The following SEM1 variants were observed in gnomAD, a reference collection of about 807,000 sequenced individuals.
SEM1 encodes the protein SEM1 26S proteasome subunit, also known as 26S proteasome complex subunit SEM1.
In SEM1, 3 loss-of-function variants were observed where a neutral mutation model predicts 12.7. That is an observed-to-expected ratio of 0.24 (90% CI 0.11 to 0.61). The LOEUF (loss-of-function observed/expected upper bound fraction) is 0.61, where lower values mean the gene tolerates loss of function less well. Among genes scored for constraint, SEM1 ranks in the 20% least tolerant of loss-of-function variants. The pLI is 0.88. For synonymous variants in SEM1, 30 were observed against 27.8 expected (o/e 1.08, Z -0.25); for missense variants, 59 against 81.3 (o/e 0.73, Z 1.06).
intron 2 of SEM1, among the ~76,000 whole-genome samples, chr7:96,544,202 C>A (rs1805036931): frequency 6.6e-6 from 1 of 152,010 alleles, no homozygotes; most frequent in Non-Finnish European, 1.5e-5. Flanking sequence ...TTCATAATTT[C>A]TAGTATTATA....
chr7:96,611,993 C>T (rs1807554395), intron 2 of SEM1, among the ~76,000 whole-genome samples: 1 of 140,984 alleles, frequency 7.1e-6, no homozygotes, highest in Admixed American at 6.9e-5. Context: ...TCCTTACCCC[C>T]CCAAATAAAA....
chr7:96,629,193 G>A (rs751484972), intron 2 of SEM1, among the ~76,000 whole-genome samples: 5 of 151,938 alleles, frequency 3.3e-5, no homozygotes, highest in Non-Finnish European at 5.9e-5. Flanking sequence ...TCTAGGTTTG[G>A]GAAGTTCCCT....
chr7:96,653,472 T>C (rs1243033507), intron 2 of SEM1, among the ~76,000 whole-genome samples: 9 of 152,040 alleles, frequency 5.9e-5, no homozygotes, highest in Non-Finnish European at 2.9e-5. Flanking sequence ...GCAATTAAGG[T>C]GATTTCAGCT....
chr7:96,533,972 C>G (rs889753877), intron 2 of SEM1, among the ~76,000 whole-genome samples: 5 of 151,870 alleles, frequency 3.3e-5, no homozygotes, highest in Non-Finnish European at 7.4e-5. Flanking sequence ...TATTAAATCC[C>G]GACCCCTGAG....
chr7:96,521,054 C>T (rs898163006), intron 2 of SEM1, among the ~76,000 whole-genome samples: 14 of 152,054 alleles, frequency 9.2e-5, no homozygotes, highest in Admixed American at 6.5e-5. Context: ...AAAAAGGGGA[C>T]GGACATTCCC....
chr7:96,671,846 T>C (rs1789325400), downstream of SEM1, among the ~76,000 whole-genome samples: 2 of 152,222 alleles, frequency 1.3e-5, no homozygotes, highest in African/African-American at 4.8e-5. Flanking sequence ...ACTAGGTATC[T>C]GGACAATATT....
chr7:96,580,573 T>C (rs1806361884), intron 2 of SEM1, among the ~76,000 whole-genome samples: 1 of 152,050 alleles, frequency 6.6e-6, no homozygotes, highest in South Asian at 2.1e-4. Context: ...TGAACTAGTT[T>C]ACAGTCCCAC....
At chr7:96,499,343 A>G (rs1161832695), upstream of SEM1, among the ~76,000 whole-genome samples, 1 of 152,210 alleles carries the variant, frequency 6.6e-6, no homozygotes, top group Non-Finnish European at 1.5e-5. Context: ...AGAATAAGTC[A>G]TTAATAAAAT....
intron 2 of SEM1, among the ~76,000 whole-genome samples, chr7:96,541,426 A>T (rs1804943865): frequency 8.1e-6 from 1 of 123,228 alleles, no homozygotes. Context: ...CCCACTTTTT[A>T]ATGGGTTTTT....
intron 2 of SEM1, among the ~76,000 whole-genome samples, chr7:96,572,421 G>A (rs774130556): frequency 5.9e-5 from 9 of 152,150 alleles, no homozygotes; most frequent in Non-Finnish European, 1.0e-4. Context: ...TTGGCATCTA[G>A]CGCTATAAAT....
rs1584853702 is a variant in SEM1 at position 96,673,995 on chromosome 7, A to G, written c.171-136T>C. 3 of 613,606 alleles carry G rather than the reference A, an allele frequency of 4.9e-6. No individual in the cohort carries two copies. The African/African-American group carries it at 5.6e-5, about 11-fold the overall frequency. The allele number at this position is 613,606 out of a possible 1,614,324, so 38.0% of individuals were successfully genotyped here. The stretch of plus-strand genomic sequence containing the variant: ...ATGCCCCAGTCCCATCCCCATCTCT[A>G]CCTCCCCTCTCCCTGACTCCCGCCA... On this transcript the variant is annotated intron_variant, in intron 2 of 2. Transcript: ENST00000413065.
At chr7:96,681,775 T>C (rs1354971935) in intron 2 of SEM1, among the ~76,000 whole-genome samples, 2 of 152,174 alleles carry the variant, frequency 1.3e-5, no homozygotes, top group Admixed American at 1.3e-4. Flanking sequence ...CCATGCTGTT[T>C]TGGTTACTGT....
chr7:96,684,464 G>A (rs1353618359), downstream of SEM1, among the ~76,000 whole-genome samples: 5 of 151,890 alleles, frequency 3.3e-5, no homozygotes, highest in East Asian at 1.9e-4. Flanking sequence ...ATATCTAACC[G>A]TTTGGGGGGC....
intron 2 of SEM1, among the ~76,000 whole-genome samples, chr7:96,553,086 T>C (rs1805345183): frequency 6.6e-6 from 1 of 152,208 alleles, no homozygotes; most frequent in Non-Finnish European, 1.5e-5. Flanking sequence ...TTGTAGATTC[T>C]GGATATTAGC....
At chr7:96,680,751 T>C (rs545612966) in intron 2 of SEM1, among the ~76,000 whole-genome samples, 2 of 152,260 alleles carry the variant, frequency 1.3e-5, no homozygotes, top group South Asian at 4.1e-4. Context: ...CTACGGTTAA[T>C]ATAAAATGGA....
intron 2 of SEM1, among the ~76,000 whole-genome samples, chr7:96,636,950 T>A (rs1370444985): frequency 6.6e-6 from 1 of 152,022 alleles, no homozygotes; most frequent in Non-Finnish European, 1.5e-5. Flanking sequence ...AAGATGGAGA[T>A]ACCTCCTTAA....
At chr7:96,549,353 C>T (rs992524770) in intron 2 of SEM1, among the ~76,000 whole-genome samples, 14 of 152,118 alleles carry the variant, frequency 9.2e-5, no homozygotes, top group Non-Finnish European at 1.8e-4. Context: ...GCCAAAAAGG[C>T]GGAGGACTTG....
Position 96,705,275 on chromosome 7 carries a change from T to C in SEM1, c.76+4413A>G, listed in dbSNP as rs1198897394. Among the ~76,000 whole-genome samples the C allele has an allele frequency of 2.0e-5, 3 of 151,450 alleles. No homozygotes were observed. The East Asian group carries it at 5.9e-4, about 30-fold the overall frequency. On this transcript the variant is annotated intron_variant, in intron 1 of 2. Transcript: ENST00000248566. ...TAATACAGAAAAAGTATAGAATACT[T>C]AGTATAATATCACTCTTGTAAACGC...
chr7:96,616,862 T>G (rs1807737640), intron 2 of SEM1, among the ~76,000 whole-genome samples: 1 of 152,108 alleles, frequency 6.6e-6, no homozygotes, highest in Non-Finnish European at 1.5e-5. Flanking sequence ...GTTGTAATTA[T>G]ATGTCTTTAT....
Sources: gnomAD v4.1 joint callset for allele counts (sites outside exome capture counted in the v4.1 genomes callset) on GRCh38, gnomAD v4.1.1 for gene constraint, MANE v1.5 for transcripts, NCBI Gene and HGNC (gene_info 2026-07-23, HGNC 2026-07-21) for gene names.